The following CEP128 variants were observed in gnomAD, a reference collection of about 807,000 sequenced individuals.
CEP128 encodes centrosomal protein 128.
CEP128 carries 132 observed loss-of-function variants against 156.7 expected under a neutral mutation model. That is an observed-to-expected ratio of 0.84 (90% CI 0.73 to 0.97). The LOEUF (loss-of-function observed/expected upper bound fraction) is 0.97. CEP128 is among the 50% of genes least tolerant of loss of function. The pLI is 0.00. For synonymous variants in CEP128, 469 were observed against 448.9 expected (o/e 1.04, Z -0.57); for missense variants, 1,252 against 1,281.9 (o/e 0.98, Z 0.36).
At chr14:80,868,359 A>T (rs570746810) in intron 8 of CEP128, among the ~76,000 whole-genome samples, 181 of 152,296 alleles carry the variant, frequency 1.2e-3, no homozygotes, top group Non-Finnish European at 1.1e-3. Context: ...GTAAACTGTA[A>T]CATCAATAAT....
chr14:80,688,305 TG>T (rs1300358291), intron 19 of CEP128, among the ~76,000 whole-genome samples: 4 of 152,194 alleles, frequency 2.6e-5, no homozygotes, highest in African/African-American at 9.7e-5. Flanking sequence ...GACTGGTTTT[TG>T]TAGTCTGGTC....
At chr14:80,623,360 A>G (rs1480977124) in intron 19 of CEP128, among the ~76,000 whole-genome samples, 1 of 151,596 alleles carries the variant, frequency 6.6e-6, no homozygotes, top group Non-Finnish European at 1.5e-5. Flanking sequence ...CCTAATGTTA[A>G]ATGACGAGTT....
Position 80,914,234 on chromosome 14 carries a change from T to G in CEP128, c.234+88A>C, listed in dbSNP as rs141680890. On this transcript the variant is annotated intron_variant, in intron 4 of 24. Coordinates refer to ENST00000555265, the MANE Select transcript of CEP128 (RefSeq NM_152446.5). ...AATCTAAAGCACTTCACAATGGTTTTTTCCTTTAGCTCACAGCCCCATTCC... is the reference window on the plus strand; with the variant it reads ...AATCTAAAGCACTTCACAATGGTTTGTTCCTTTAGCTCACAGCCCCATTCC... The G allele has an allele frequency of 3.4e-4, 307 of 898,354 alleles. No individual in the cohort carries two copies. The African/African-American group carries it at 4.4e-3, about 13-fold the overall frequency. 55.6% of individuals were successfully genotyped at this position (898,354 alleles called of 1,614,324 possible). A position where few individuals can be genotyped will look rare whatever the true frequency, so the allele number is the denominator to read the frequency against.
intron 14 of CEP128, among the ~76,000 whole-genome samples, chr14:80,485,339 T>C (rs1366764870): frequency 2.0e-5 from 3 of 151,494 alleles, no homozygotes; most frequent in African/African-American, 7.3e-5. Flanking sequence ...GCTCTCTTAT[T>C]TGATATTATC....
At chr14:80,516,574 T>G (rs1888501996) in intron 23 of CEP128, among the ~76,000 whole-genome samples, 1 of 152,166 alleles carries the variant, frequency 6.6e-6, no homozygotes, top group South Asian at 2.1e-4. Flanking sequence ...AATCCCACAG[T>G]GCTTTAGTCC....
chr14:80,938,245 A>AT lies in CEP128; in HGVS notation c.-16+1139dup, dbSNP rs35236692. ...ACTGATCTTAATACACAGTGTTAGT[A>AT]TTTTTTTTTTTTTTTTTTTGAGACA... On this transcript the variant is annotated intron_variant, in intron 2 of 24. Coordinates refer to ENST00000555265, the MANE Select transcript of CEP128 (RefSeq NM_152446.5). Among the ~76,000 whole-genome samples the AT allele has an allele frequency of 7.0e-3, 817 of 116,952 alleles. 33 individuals are homozygous for AT. Among genetic ancestry groups the AT allele is most frequent in the African/African-American group, 0.017 (514 of 30,628 alleles). The allele number at this position is 116,952 out of a possible 152,430, so 76.7% of individuals were successfully genotyped here.
intron 2 of CEP128, among the ~76,000 whole-genome samples, chr14:80,930,415 C>T (rs1330046334): frequency 2.0e-5 from 3 of 152,092 alleles, no homozygotes; most frequent in African/African-American, 7.2e-5. Context: ...TTTTGGTAAG[C>T]CCGCAAGCTA....
intron 19 of CEP128, among the ~76,000 whole-genome samples, chr14:80,681,007 G>T (rs55788709): frequency 6.6e-6 from 1 of 151,854 alleles, no homozygotes; most frequent in Non-Finnish European, 1.5e-5. Flanking sequence ...TATACTATAC[G>T]TATATACCAT....
At chr14:80,542,252 C>G (rs1199151166) in intron 21 of CEP128, among the ~76,000 whole-genome samples, 1 of 152,148 alleles carries the variant, frequency 6.6e-6, no homozygotes, top group Non-Finnish European at 1.5e-5. Context: ...GATATTTTTA[C>G]CTATATTTCC....
intron 19 of CEP128, among the ~76,000 whole-genome samples, chr14:80,649,537 G>A (rs1871458): frequency 0.58 from 87,854 of 151,916 alleles, 26,564 homozygotes; most frequent in Non-Finnish European, 0.66. Flanking sequence ...AGAGCATGAC[G>A]TTCAGGTCAC....
At chr14:80,910,320 G>A (rs1884133878) in intron 4 of CEP128, among the ~76,000 whole-genome samples, 2 of 152,190 alleles carry the variant, frequency 1.3e-5, no homozygotes, top group South Asian at 4.1e-4. Flanking sequence ...GAATTCTCAT[G>A]TTCAATTATA....
chr14:80,495,064 T>G (rs528993635), downstream of CEP128, among the ~76,000 whole-genome samples: 1 of 152,272 alleles, frequency 6.6e-6, no homozygotes, highest in African/African-American at 2.4e-5. Flanking sequence ...GAATCAAAAT[T>G]ATTAAACCAA....
intron 19 of CEP128, among the ~76,000 whole-genome samples, chr14:80,720,974 C>T (rs1408782507): frequency 6.6e-6 from 1 of 152,142 alleles, no homozygotes; most frequent in Admixed American, 6.5e-5. Flanking sequence ...AGTTGTTCAT[C>T]TTTCTGATTT....
intron 13 of CEP128, among the ~76,000 whole-genome samples, chr14:80,798,280 T>C (rs1300728073): frequency 6.6e-6 from 1 of 152,198 alleles, no homozygotes; most frequent in African/African-American, 2.4e-5. Context: ...GAAGGATTTA[T>C]AGGACTCGGC....
chr14:80,668,616 G>T (rs898495087), intron 19 of CEP128, among the ~76,000 whole-genome samples: 2 of 152,130 alleles, frequency 1.3e-5, no homozygotes, highest in African/African-American at 4.8e-5. Context: ...AGAGAATAAA[G>T]GAAATGCTTG....
At chr14:80,771,986 TTTAAGA>T (rs755019050) in intron 16 of CEP128, among the ~76,000 whole-genome samples, 6 of 152,172 alleles carry the variant, frequency 3.9e-5, no homozygotes, top group African/African-American at 1.2e-4. Flanking sequence ...TGACCTTCTG[TTTAAGA>T]TTATGTTTAA....
chr14:80,652,544 A>G (rs1476149799), intron 19 of CEP128, among the ~76,000 whole-genome samples: 1 of 152,182 alleles, frequency 6.6e-6, no homozygotes, highest in Non-Finnish European at 1.5e-5. Context: ...ATGAACAGAC[A>G]CTTCTCAAAA....
rs570018561 is a variant in CEP128 at position 80,779,795 on chromosome 14, G to T, written c.2212-1749C>A. Reference sequence around the variant, plus strand: ...GACTAACAACTTACTTATTGTTGTGGTTTTTATTACGTTTATATTTCATTT... The same window carrying T: ...GACTAACAACTTACTTATTGTTGTGTTTTTTATTACGTTTATATTTCATTT... On this transcript the variant is annotated intron_variant, in intron 15 of 24. Transcript: ENST00000555265. Among the ~76,000 whole-genome samples, 3 of 152,270 alleles carry T rather than the reference G, an allele frequency of 2.0e-5. No individual in the cohort carries two copies. The South Asian group carries it at 6.2e-4, about 32-fold the overall frequency.
chr14:80,491,459 C>G (rs898271067), intron 6 of CEP128, among the ~76,000 whole-genome samples: 20 of 152,118 alleles, frequency 1.3e-4, no homozygotes, highest in Non-Finnish European at 2.6e-4. Flanking sequence ...TTCTCCAAAC[C>G]TCTTTTAATG....
Sources: gnomAD v4.1 joint callset for allele counts (sites outside exome capture counted in the v4.1 genomes callset) on GRCh38, gnomAD v4.1.1 for gene constraint, MANE v1.5 for transcripts, NCBI Gene and HGNC (gene_info 2026-07-23, HGNC 2026-07-21) for gene names.